LEMD3: variants seen among roughly 807,000 people sequenced by gnomAD.
The protein encoded by LEMD3 is inner nuclear membrane protein Man1.
Under a neutral mutation model 95.2 loss-of-function variants are expected in LEMD3, and 33 were observed. That is an observed-to-expected ratio of 0.35 (90% CI 0.26 to 0.46). LEMD3 has a LOEUF of 0.46. Ranked by LOEUF, LEMD3 falls within the 20% of genes least tolerant of loss-of-function variation. The pLI is 1.00. For synonymous variants in LEMD3, 525 were observed against 474.6 expected, an observed-to-expected ratio of 1.11 and a Z score of -1.38; for missense variants, 1,210 against 1,192.8, an observed-to-expected ratio of 1.01 and a Z score of -0.21.
intron 10 of LEMD3, among the ~76,000 whole-genome samples, chr12:65,244,287 C>T (rs943712890): frequency 2.8e-5 from 4 of 145,064 alleles, no homozygotes; most frequent in African/African-American, 1.1e-4. Context: ...ACACACACAC[C>T]CCCCCCACAC....
Position 65,245,922 on chromosome 12 carries a change from A to G in LEMD3, c.2555A>G (p.His852Arg). 3 of 1,611,856 alleles carry G rather than the reference A, an allele frequency of 1.9e-6. No homozygotes were observed. Among genetic ancestry groups the G allele is most frequent in the Non-Finnish European group, 2.5e-6 (3 of 1,178,484 alleles). The change falls in exon 12 of 13, where the codon CAT (histidine) becomes CGT (arginine). Residue 852 changes from histidine (H) to arginine (R), a missense_variant. Physicochemically the swap from His to Arg is conservative, Grantham distance 29. Transcript: ENST00000308330. ...GCTGGAAAGGCTTTTAAAGCATTGC[A>G]TGGCTCTTGGTTTGATGGTAAGAAA... ...EYAGKAFKALHGSWFDGKLVT... is the reference protein window; with the variant it reads ...EYAGKAFKALRGSWFDGKLVT...
At chr12:65,239,166 T>A (rs1235038830) in intron 6 of LEMD3, among the ~76,000 whole-genome samples, 1 of 152,238 alleles carries the variant, frequency 6.6e-6, no homozygotes, top group Admixed American at 6.5e-5. Context: ...GTTTTTAAAA[T>A]GTAATTTACC....
chr12:65,234,659 T>C (rs1467114828), intron 4 of LEMD3, among the ~76,000 whole-genome samples: 2 of 152,118 alleles, frequency 1.3e-5, no homozygotes, highest in Non-Finnish European at 2.9e-5. Flanking sequence ...TCAAGTGATA[T>C]TAATAAAGGA....
chr12:65,231,563 T>A (rs945249635), intron 4 of LEMD3, among the ~76,000 whole-genome samples: 1 of 151,962 alleles, frequency 6.6e-6, no homozygotes, highest in African/African-American at 2.4e-5. Flanking sequence ...GGCACATGGC[T>A]CTGTAGACCC....
chr12:65,192,545 T>A (rs1350551707), intron 1 of LEMD3, among the ~76,000 whole-genome samples: 1 of 152,142 alleles, frequency 6.6e-6, no homozygotes, highest in African/African-American at 2.4e-5. Flanking sequence ...GCTTTTTTTT[T>A]AACCAAAAAC....
chr12:65,230,852 C>T (rs1282870557), intron 4 of LEMD3, among the ~76,000 whole-genome samples: 1 of 152,166 alleles, frequency 6.6e-6, no homozygotes, highest in Non-Finnish European at 1.5e-5. Flanking sequence ...GGAAAGCTTT[C>T]AGCTTTTTCT....
chr12:65,170,544 C>T lies in LEMD3; in HGVS notation c.948C>T (p.Leu316=), dbSNP rs183253527. The T allele has an allele frequency of 5.4e-4, 878 of 1,614,074 alleles. 8 individuals carry two copies. The East Asian group carries it at 0.018, about 32-fold the overall frequency. ...LETSVQGGGG[L]AMNDRAAAAG... ...CTTCAGTTCAGGGAGGGGGAGGACT[C>T]GCGATGAATGACAGGGCGGCGGCTG... Residue 316 remains leucine, a synonymous_variant, in exon 1 of 13, where the codon CTC becomes CTT. Coordinates refer to ENST00000308330, the MANE Select transcript of LEMD3 (RefSeq NM_014319.5).
rs35470165 is a variant in LEMD3, at chr12:65,171,221, A to G, written c.1522+103A>G. The G allele has an allele frequency of 0.014, 22,084 of 1,570,282 alleles. 463 individuals carry two copies. The highest frequency in any genetic ancestry group is 0.09 in the African/African-American group (6,670 of 73,940). ...CATGAAGTGACTTACCTGCAAGAAT[A>G]TGGTTTAACAGCAAAAACGCAACAG... On this transcript the variant is annotated intron_variant, in intron 1 of 12. Transcript: ENST00000308330.
chr12:65,218,627 A>G lies in LEMD3; in HGVS notation c.1695+8A>G, dbSNP rs6581621. On this transcript the variant is annotated splice_region_variant and intron_variant, in intron 4 of 12. Coordinates refer to ENST00000308330, the MANE Select transcript of LEMD3 (RefSeq NM_014319.5). ...GCAGCTGCGTATTTAAAAGTAAGCAATGAAATTAGAATTTTAATAGCTATA... is the reference window on the plus strand; with the variant it reads ...GCAGCTGCGTATTTAAAAGTAAGCAGTGAAATTAGAATTTTAATAGCTATA... 6.9e-3 allele frequency: 10,870 copies of G among 1,565,210 alleles called. 681 individuals are homozygous for G. In the African/African-American group the frequency reaches 0.13, roughly 19 times the overall value.
chr12:65,215,671 G>T (rs1170025538), intron 2 of LEMD3, among the ~76,000 whole-genome samples: 1 of 152,238 alleles, frequency 6.6e-6, no homozygotes, highest in Admixed American at 6.5e-5. Flanking sequence ...ACTGTGCAGA[G>T]GGGGATTGGG....
intron 4 of LEMD3, among the ~76,000 whole-genome samples, chr12:65,219,300 C>A (rs1039532925): frequency 6.6e-6 from 1 of 152,100 alleles, no homozygotes; most frequent in African/African-American, 2.4e-5. Flanking sequence ...ATTTTCTAAA[C>A]TACTGTAAAT....
intron 1 of LEMD3, among the ~76,000 whole-genome samples, chr12:65,185,413 G>A (rs1869030442): frequency 6.6e-6 from 1 of 151,992 alleles, no homozygotes. Context: ...TGGGAACTGT[G>A]CCCATTATAA....
chr12:65,218,608 G>A lies in LEMD3; in HGVS notation c.1684G>A (p.Ala562Thr). ...QRTLSVQEAAAYLKDLGPEYE... is the reference protein window; with the variant it reads ...QRTLSVQEAATYLKDLGPEYE... ...AACGCTTTCTGTTCAAGAGGCAGCT[G>A]CGTATTTAAAAGTAAGCAATGAAAT... is the stretch of plus-strand genomic sequence containing the variant. Residue 562 changes from alanine (A) to threonine (T), a missense_variant, in exon 4 of 13, where the codon GCG becomes ACG. Around this residue, in one of 2 missense-constraint regions of LEMD3, gnomAD observed 461 missense variants for 569.8 expected, o/e 0.81. Transcript: ENST00000308330. 6.3e-7 allele frequency: 1 copy of A among 1,599,458 alleles called. No homozygotes were observed. Among genetic ancestry groups the A allele is most frequent in the Non-Finnish European group, 8.5e-7 (1 of 1,170,504 alleles).
In LEMD3 at chr12:65,186,733, G is replaced by A. The variant is rs567984358; in HGVS notation, c.1522+15615G>A. Among the ~76,000 whole-genome samples the A allele has an allele frequency of 7.3e-4, 108 of 148,724 alleles. 1 individual carries two copies. The highest frequency in any genetic ancestry group is 2.6e-3 in the African/African-American group (104 of 40,298). On this transcript the variant is annotated intron_variant, in intron 1 of 12. Coordinates refer to ENST00000308330, the MANE Select transcript of LEMD3 (RefSeq NM_014319.5). ...AATAAAAGACACTGGTATTACATCA[G>A]TAAGTGTGTAGTGATGAAGAACCAT...
intron 1 of LEMD3, among the ~76,000 whole-genome samples, chr12:65,175,363 T>C (rs891789445): frequency 6.6e-6 from 1 of 152,204 alleles, no homozygotes; most frequent in African/African-American, 2.4e-5. Flanking sequence ...AATGTTGCTC[T>C]TCTGTGCTCT....
At chr12:65,182,528 T>C (rs1868938395) in intron 1 of LEMD3, among the ~76,000 whole-genome samples, 1 of 152,186 alleles carries the variant, frequency 6.6e-6, no homozygotes, top group Non-Finnish European at 1.5e-5. Flanking sequence ...ATTTAAACCT[T>C]TCAAGCTGTC....
At chr12:65,227,495 T>A (rs1347734695) in intron 4 of LEMD3, among the ~76,000 whole-genome samples, 2 of 152,134 alleles carry the variant, frequency 1.3e-5, no homozygotes, top group Non-Finnish European at 2.9e-5. Flanking sequence ...GACACAAAAA[T>A]TTGTAGATGC....
chr12:65,228,657 G>C (rs1162822228), intron 4 of LEMD3, among the ~76,000 whole-genome samples: 2 of 151,938 alleles, frequency 1.3e-5, no homozygotes, highest in Non-Finnish European at 2.9e-5. Flanking sequence ...CAGCCTCCCA[G>C]GGTGCTGGGA....
chr12:65,189,308 T>TC (rs1360181245), intron 1 of LEMD3, among the ~76,000 whole-genome samples: 1 of 152,128 alleles, frequency 6.6e-6, no homozygotes, highest in African/African-American at 2.4e-5. Context: ...AGCCAAGGCC[T>TC]CCATGAACAG....
Sources: allele counts gnomAD v4.1 joint callset (sites outside exome capture counted in the v4.1 genomes callset), GRCh38; gene constraint gnomAD v4.1.1; regional missense constraint gnomAD v4.1.1; transcripts MANE v1.5; gene names NCBI Gene and HGNC (gene_info 2026-07-23, HGNC 2026-07-21).